The following GALNT13 variants were observed in gnomAD, a reference collection of about 807,000 sequenced individuals.
GALNT13 encodes the protein polypeptide N-acetylgalactosaminyltransferase 13.
In GALNT13, 28 loss-of-function variants were observed where a neutral mutation model predicts 64.2. The ratio of observed to expected loss-of-function variants is 0.44; its 90% confidence interval spans 0.32 to 0.60. The LOEUF (loss-of-function observed/expected upper bound fraction) is 0.60. Among genes scored for constraint, GALNT13 ranks in the 20% least tolerant of loss-of-function variants. GALNT13 has a pLI of 0.05. For synonymous variants in GALNT13, 214 were observed against 224.6 expected (o/e 0.95, Z 0.42); for missense variants, 577 against 669.8 (o/e 0.86, Z 1.53).
intron 1 of GALNT13, among the ~76,000 whole-genome samples, chr2:153,896,337 G>A (rs1687895854): frequency 6.7e-6 from 1 of 150,286 alleles, no homozygotes; most frequent in African/African-American, 2.4e-5. Context: ...TTTTACATTT[G>A]TTCTCATTCT....
At chr2:153,213,425 C>T in the GALNT13 span, among the ~76,000 whole-genome samples, 7 of 152,154 alleles carry the variant, frequency 4.6e-5, no homozygotes, top group Non-Finnish European at 8.8e-5. Context: ...CCCTCTGCCT[C>T]GGAAGGGGAG....
chr2:153,174,024 T>C, the GALNT13 span, among the ~76,000 whole-genome samples: 10 of 152,218 alleles, frequency 6.6e-5, no homozygotes, highest in African/African-American at 2.4e-4. Flanking sequence ...TTTTATTACA[T>C]GTTAAGGCTT....
intron 3 of GALNT13, among the ~76,000 whole-genome samples, chr2:154,124,754 A>T (rs1682157473): frequency 6.6e-6 from 1 of 152,124 alleles, no homozygotes; most frequent in South Asian, 2.1e-4. Flanking sequence ...GTTAAGTTAA[A>T]TCGATTAAGA....
At chr2:154,444,374 T>G (rs1445087047) in intron 12 of GALNT13, among the ~76,000 whole-genome samples, 1 of 152,112 alleles carries the variant, frequency 6.6e-6, no homozygotes, top group Non-Finnish European at 1.5e-5. Context: ...AAAAAAAGTT[T>G]TTAAAAAACA....
chr2:153,111,528 G>A, the GALNT13 span, among the ~76,000 whole-genome samples: 1 of 151,986 alleles, frequency 6.6e-6, no homozygotes, highest in Non-Finnish European at 1.5e-5. Flanking sequence ...AATTTGGTGA[G>A]CTTACAAAAT....
chr2:154,393,042 A>T (rs1698870136), intron 9 of GALNT13, among the ~76,000 whole-genome samples: 1 of 152,220 alleles, frequency 6.6e-6, no homozygotes, highest in Non-Finnish European at 1.5e-5. Context: ...GAAATGAAGA[A>T]CCTTGGAGAT....
At chr2:153,881,844 G>A (rs1028496611) in intron 1 of GALNT13, among the ~76,000 whole-genome samples, 2 of 152,010 alleles carry the variant, frequency 1.3e-5, no homozygotes, top group African/African-American at 4.8e-5. Flanking sequence ...TGTCCCTTAA[G>A]GTCTGTGCAG....
chr2:154,000,709 G>A (rs1695849689), intron 3 of GALNT13, among the ~76,000 whole-genome samples: 1 of 151,960 alleles, frequency 6.6e-6, no homozygotes, highest in Non-Finnish European at 1.5e-5. Flanking sequence ...GTGACCTAAA[G>A]TATGGTCTAT....
chr2:153,592,121 T>TAAAA, the GALNT13 span, among the ~76,000 whole-genome samples: 1 of 151,978 alleles, frequency 6.6e-6, no homozygotes, highest in Non-Finnish European at 1.5e-5. Context: ...TAAAGCAAAT[T>TAAAA]AAAACTACAA....
At chr2:153,956,653 C>T (rs1692589188) in intron 3 of GALNT13, among the ~76,000 whole-genome samples, 2 of 152,096 alleles carry the variant, frequency 1.3e-5, no homozygotes, top group Non-Finnish European at 2.9e-5. Context: ...CTACATCTCT[C>T]TTTTTTACTC....
At chr2:153,634,542 C>CTTTTTTTTT in the GALNT13 span, among the ~76,000 whole-genome samples, 1 of 91,252 alleles carries the variant, frequency 1.1e-5, no homozygotes, top group Non-Finnish European at 2.1e-5. Flanking sequence ...AGATGGAAAT[C>CTTTTTTTTT]TTTTTTTTTT....
chr2:154,448,980 A>AT (rs1197121315), intron 12 of GALNT13, among the ~76,000 whole-genome samples: 2 of 152,178 alleles, frequency 1.3e-5, no homozygotes, highest in South Asian at 2.1e-4. Flanking sequence ...AATTTTGTTG[A>AT]TTTTTAACTA....
chr2:153,182,125 G>A, the GALNT13 span, among the ~76,000 whole-genome samples: 1 of 151,542 alleles, frequency 6.6e-6, no homozygotes, highest in African/African-American at 2.4e-5. Flanking sequence ...CTCACTGCAA[G>A]CTCTGCCTCC....
intron 9 of GALNT13, among the ~76,000 whole-genome samples, chr2:154,329,303 A>G (rs894813332): frequency 2.6e-5 from 4 of 152,090 alleles, no homozygotes; most frequent in Non-Finnish European, 4.4e-5. Context: ...GGGTTTCACC[A>G]TATTGGTCAG....
At chr2:154,194,237 G>C (rs948619769) in intron 4 of GALNT13, among the ~76,000 whole-genome samples, 1 of 152,084 alleles carries the variant, frequency 6.6e-6, no homozygotes, top group Admixed American at 6.6e-5. Flanking sequence ...TTGGTGTCCA[G>C]TTTTTATTAA....
At chr2:153,747,533 T>C in the GALNT13 span, among the ~76,000 whole-genome samples, 1 of 147,964 alleles carries the variant, frequency 6.8e-6, no homozygotes, top group African/African-American at 2.5e-5. Context: ...GTTCAAGCAA[T>C]TCTTCTGCCT....
chr2:154,329,786 T>TA lies in GALNT13; in HGVS notation c.1156+28205dup, dbSNP rs70983719. On this transcript the variant is annotated intron_variant, in intron 9 of 12. Transcript: ENST00000392825. ...GTTAGTTCCTGAGAGAGCTGGTTGT[T>TA]AAAAAAAAGCCCTGGCACCACACCT... is the stretch of plus-strand genomic sequence containing the variant. Among the ~76,000 whole-genome samples, 731 of 151,476 alleles carry TA rather than the reference T, an allele frequency of 4.8e-3. 4 individuals are homozygous for TA. The highest frequency in any genetic ancestry group is 0.016 in the African/African-American group (655 of 41,312).
intron 7 of GALNT13, among the ~76,000 whole-genome samples, chr2:154,247,879 A>G (rs1244154763): frequency 3.3e-5 from 5 of 152,098 alleles, no homozygotes; most frequent in Non-Finnish European, 7.4e-5. Flanking sequence ...CAAAAGGTTA[A>G]TTAATTCATG....
chr2:153,531,249 A>G, the GALNT13 span, among the ~76,000 whole-genome samples: 1 of 152,194 alleles, frequency 6.6e-6, no homozygotes, highest in Non-Finnish European at 1.5e-5. Flanking sequence ...AGAAAGCATG[A>G]TGTTGGCTAT....
Sources: gnomAD v4.1 joint callset for allele counts (sites outside exome capture counted in the v4.1 genomes callset) on GRCh38, gnomAD v4.1.1 for gene constraint, MANE v1.5 for transcripts, NCBI Gene and HGNC (gene_info 2026-07-23, HGNC 2026-07-21) for gene names.